BANP: variants seen among roughly 807,000 people sequenced by gnomAD.
BANP encodes BTG3 associated nuclear protein.
BANP carries 11 observed loss-of-function variants against 68.1 expected under a neutral mutation model. The ratio of observed to expected loss-of-function variants is 0.16; its 90% CI spans 0.10 to 0.27. BANP has a LOEUF of 0.27. Ranked by LOEUF, BANP falls within the 10% of genes least tolerant of loss-of-function variation. The probability of loss-of-function intolerance (pLI) is 1.00; values close to 1 mark genes in which losing one functional copy is unlikely to be tolerated. For missense variants in BANP, 504 were observed against 722.7 expected (o/e 0.70, Z 3.47); for synonymous variants, 329 against 303.2 (o/e 1.09, Z -0.88).
intron 2 of BANP, 77 bp downstream of exon 2, chr16:87,975,262 C>T: frequency 1.4e-6 from 2 of 1,456,884 alleles, no homozygotes; most frequent in Non-Finnish European, 1.9e-6. Context: ...CAGTTATTTT[C>T]TTTCCTTTAA....
At chr16:88,019,886 C>T (rs986781417) in intron 7 of BANP, among the ~76,000 whole-genome samples, 10 of 152,130 alleles carry the variant, frequency 6.6e-5, no homozygotes, top group African/African-American at 1.9e-4. Context: ...ACTGGGGTGT[C>T]GTGCTGACTG....
intron 8 of BANP, among the ~76,000 whole-genome samples, chr16:88,032,817 C>T (rs146933314): frequency 2.0e-5 from 3 of 152,232 alleles, no homozygotes; most frequent in Non-Finnish European, 2.9e-5. Flanking sequence ...TTAATGTCCA[C>T]TTTAAGAACT....
At chr16:87,954,685 C>T (rs1442596168) in intron 1 of BANP, among the ~76,000 whole-genome samples, 2 of 152,256 alleles carry the variant, frequency 1.3e-5, no homozygotes, top group Non-Finnish European at 2.9e-5. Flanking sequence ...GCCCGCAGGG[C>T]TCTGCGAGGC....
intron 11 of BANP, among the ~76,000 whole-genome samples, chr16:88,049,428 C>T (rs1326167934): frequency 6.6e-6 from 1 of 152,142 alleles, no homozygotes; most frequent in Non-Finnish European, 1.5e-5. Context: ...ACCTGCTGGA[C>T]CAGCTGCCTG....
chr16:87,969,440 G>A (rs915857082), intron 1 of BANP, among the ~76,000 whole-genome samples: 5 of 151,984 alleles, frequency 3.3e-5, no homozygotes, highest in Non-Finnish European at 5.9e-5. Flanking sequence ...ATCTTCTGGC[G>A]AAGTGTGTCA....
chr16:87,951,199 G>T (rs2056774543), upstream of BANP, among the ~76,000 whole-genome samples: 2 of 152,232 alleles, frequency 1.3e-5, no homozygotes, highest in South Asian at 2.1e-4. Context: ...TGAGGTGATT[G>T]TTCTCACGCA....
intron 1 of BANP, among the ~76,000 whole-genome samples, chr16:87,972,737 C>T (rs570257162): frequency 6.6e-6 from 1 of 152,326 alleles, no homozygotes; most frequent in African/African-American, 2.4e-5. Flanking sequence ...CCCCTCCCAC[C>T]TTTAATGAGC....
intron 11 of BANP, among the ~76,000 whole-genome samples, chr16:88,042,849 C>T (rs2081154826): frequency 6.6e-6 from 1 of 152,152 alleles, no homozygotes; most frequent in East Asian, 1.9e-4. Flanking sequence ...CCCAGGAGGC[C>T]CAGGCTGCAG....
At chr16:88,046,644 C>T (rs958034990) in intron 11 of BANP, among the ~76,000 whole-genome samples, 1 of 152,014 alleles carries the variant, frequency 6.6e-6, no homozygotes, top group Non-Finnish European at 1.5e-5. Context: ...CTCCCAGGTT[C>T]AGGCGATTCT....
intron 8 of BANP, among the ~76,000 whole-genome samples, chr16:88,030,442 T>G (rs1404399732): frequency 1.3e-5 from 2 of 152,214 alleles, no homozygotes; most frequent in African/African-American, 4.8e-5. Flanking sequence ...TCCATGTGTT[T>G]CGGGTACGTG....
rs74040226 is a variant in BANP, at chr16:87,978,704, A to G, written c.71-2332A>G. ...CTGGGACTATCCAGGTTAATAGCTT[A>G]AAGTTTTTAACAGTAATACCAGTGT... On this transcript the variant is annotated intron_variant, in intron 2 of 13. Transcript: ENST00000682872. The G allele has an allele frequency of 3.8e-3, 1,765 of 467,588 alleles. 32 individuals carry two copies. Among genetic ancestry groups the G allele is most frequent in the African/African-American group, 0.032 (1,620 of 50,066 alleles). 29.0% of individuals were successfully genotyped at this position (467,588 alleles called of 1,614,324 possible).
chr16:87,950,038 G>C (rs528734519), upstream of BANP, among the ~76,000 whole-genome samples: 6,104 of 151,748 alleles, frequency 0.04, 212 homozygotes, highest in Non-Finnish European at 0.053. Flanking sequence ...CCACCGCGCC[G>C]GGCTAATTTT....
chr16:88,006,440 A>C (rs1284161483), intron 6 of BANP, among the ~76,000 whole-genome samples, 175 bp downstream of exon 6: 1 of 149,996 alleles, frequency 6.7e-6, no homozygotes, highest in Non-Finnish European at 1.5e-5. Context: ...TGAAGTCGGG[A>C]GTTCGAGACC....
At position 87,965,595 on chromosome 16, in the gene BANP, C is replaced by T. The variant is rs536286395; in HGVS notation, c.-68-9453C>T. Among the ~76,000 whole-genome samples, 66 of 110,612 alleles carry T rather than the reference C, an allele frequency of 6.0e-4. No individual in the cohort carries two copies. In the East Asian group the frequency reaches 0.016, roughly 26 times the overall value. 72.6% of individuals were successfully genotyped at this position (110,612 alleles called of 152,430 possible). On this transcript the variant is annotated intron_variant, in intron 1 of 13. Transcript: ENST00000682872. ...CGCAGAGGGTCCAGGAGTAGGGGAGCGTTCGCATGGCTGGGCGGGGCTGGG... is the reference window on the plus strand; with the variant it reads ...CGCAGAGGGTCCAGGAGTAGGGGAGTGTTCGCATGGCTGGGCGGGGCTGGG...
intron 13 of BANP, among the ~76,000 whole-genome samples, chr16:88,074,327 G>A (rs946561111): frequency 6.6e-6 from 1 of 152,200 alleles, no homozygotes; most frequent in African/African-American, 2.4e-5. Flanking sequence ...CTGGCTCTGA[G>A]AAGATGGGTT....
At position 88,018,409 on chromosome 16, in the gene BANP, C is replaced by T. The variant is rs1289007169; in HGVS notation, c.656-19C>T. ...TATTTGAGCCTTGGCCATCTGAGGACCTGTCTTCTGTTTTTCAGAGGACTA... is the reference window on the plus strand; with the variant it reads ...TATTTGAGCCTTGGCCATCTGAGGATCTGTCTTCTGTTTTTCAGAGGACTA... On this transcript the variant is annotated intron_variant, in intron 6 of 13. Transcript: ENST00000682872. This position sits in a 1 kb window ranked among gnomAD's most constrained non-coding sequence, Gnocchi z 7.7. The T allele has an allele frequency of 1.2e-6, 2 of 1,603,702 alleles. No homozygotes were observed. The highest frequency in any genetic ancestry group is 1.7e-6 in the Non-Finnish European group (2 of 1,173,938).
intron 1 of BANP, among the ~76,000 whole-genome samples, chr16:87,969,489 T>G (rs4843750): frequency 0.67 from 102,052 of 151,384 alleles, 35,206 homozygotes; most frequent in African/African-American, 0.8. Flanking sequence ...GTGAAAAATG[T>G]TGTCTTGTTT....
At chr16:88,063,903 TTC>T (rs1306696245) in intron 11 of BANP, among the ~76,000 whole-genome samples, 2 of 152,246 alleles carry the variant, frequency 1.3e-5, no homozygotes, top group Non-Finnish European at 1.5e-5. Context: ...GTAGAAAATG[TTC>T]TCAACTGGGA....
At chr16:87,951,283 T>C (rs1464037032), upstream of BANP, 5 of 152,144 alleles carry the variant, frequency 3.3e-5, no homozygotes, top group African/African-American at 1.2e-4. Flanking sequence ...GAAGGCCGCC[T>C]GCGCATGCTC....
Sources: gnomAD v4.1 joint callset for allele counts (sites outside exome capture counted in the v4.1 genomes callset) on GRCh38, gnomAD v4.1.1 for gene constraint, Gnocchi (gnomAD v3.1) non-coding constraint, MANE v1.5 for transcripts, NCBI Gene and HGNC (gene_info 2026-07-23, HGNC 2026-07-21) for gene names.